Variants in CHRM3 observed in about 807,000 individuals in gnomAD.
CHRM3 encodes muscarinic acetylcholine receptor M3.
A neutral mutation model predicts 41.8 loss-of-function variants in CHRM3; 11 were observed. The ratio of observed to expected loss-of-function variants is 0.26; its 90% CI spans 0.17 to 0.44. The LOEUF is 0.44. Among genes scored for constraint, CHRM3 ranks in the 20% least tolerant of loss-of-function variants. The pLI is 1.00. For synonymous variants in CHRM3, 297 were observed against 301.4 expected, an observed-to-expected ratio of 0.99 and a Z score of 0.15; for missense variants, 571 against 745.4, an observed-to-expected ratio of 0.77 and a Z score of 2.72.
chr1:239,574,151 A>G (rs1662108569), intron 3 of CHRM3, among the ~76,000 whole-genome samples: 3 of 152,110 alleles, frequency 2.0e-5, no homozygotes, highest in Non-Finnish European at 4.4e-5. Flanking sequence ...TTCTTACCCC[A>G]TTTGAGTTTA....
At chr1:239,610,779 C>G (rs185013751) in intron 3 of CHRM3, among the ~76,000 whole-genome samples, 1 of 152,144 alleles carries the variant, frequency 6.6e-6, no homozygotes, top group Non-Finnish European at 1.5e-5. Context: ...CTAGGCCAGG[C>G]GCTGTGGCTC....
intron 1 of CHRM3, among the ~76,000 whole-genome samples, chr1:239,469,422 T>G (rs1265755271): frequency 6.6e-6 from 1 of 152,250 alleles, no homozygotes; most frequent in Non-Finnish European, 1.5e-5. Flanking sequence ...AGAAGGTTTT[T>G]TAACAAATGC....
At chr1:239,403,167 G>C (rs1483469313) in intron 1 of CHRM3, among the ~76,000 whole-genome samples, 1 of 152,122 alleles carries the variant, frequency 6.6e-6, no homozygotes, top group African/African-American at 2.4e-5. Context: ...CTCATCAGAA[G>C]CCACCAATTA....
chr1:239,623,331 C>T (rs980852887), intron 3 of CHRM3, among the ~76,000 whole-genome samples: 13 of 145,292 alleles, frequency 8.9e-5, no homozygotes, highest in African/African-American at 3.3e-4. Flanking sequence ...TCTCATTGTT[C>T]AGTTCCCACC....
At chr1:239,422,568 G>A (rs1662035686) in intron 1 of CHRM3, among the ~76,000 whole-genome samples, 1 of 152,146 alleles carries the variant, frequency 6.6e-6, no homozygotes, top group Non-Finnish European at 1.5e-5. Context: ...GGCTGAGGCA[G>A]GCGGATCATG....
intron 2 of CHRM3, among the ~76,000 whole-genome samples, chr1:239,512,483 A>G (rs1029271308): frequency 3.3e-5 from 5 of 152,102 alleles, no homozygotes; most frequent in African/African-American, 9.7e-5. Flanking sequence ...TTCTCCTTTG[A>G]TGACTCTACC....
intron 6 of CHRM3, among the ~76,000 whole-genome samples, chr1:239,888,590 C>A (rs1248211652): frequency 7.1e-6 from 1 of 140,818 alleles, no homozygotes; most frequent in Non-Finnish European, 1.6e-5. Flanking sequence ...AGAGTGAGAC[C>A]CTGTCTCAAA....
chr1:239,499,445 G>A (rs1668084902), intron 2 of CHRM3, among the ~76,000 whole-genome samples: 1 of 152,188 alleles, frequency 6.6e-6, no homozygotes, highest in African/African-American at 2.4e-5. Context: ...AGACTGTTGA[G>A]ATAAGCAAGA....
In CHRM3 at chr1:239,404,388, GAA is replaced by G. The variant is rs1324092164; in HGVS notation, c.-521+17163_-521+17164del. ...AGAAAGAAAGAAAGAAAGAAAGAAA[GAA>G]AGAAAGAAAGAAAGAAAGAAAAAGA... is the stretch of plus-strand genomic sequence containing the variant. On this transcript the variant is annotated intron_variant, in intron 1 of 6. Coordinates refer to ENST00000676153, the MANE Select transcript of CHRM3 (RefSeq NM_001375978.1). 2.9e-3 allele frequency among the ~76,000 whole-genome samples: 209 copies of G among 72,894 alleles called. 3 individuals carry two copies. Among genetic ancestry groups the G allele is most frequent in the Non-Finnish European group, 3.7e-3 (143 of 38,170 alleles). The allele number at this position is 72,894 out of a possible 152,430, so 47.8% of individuals were successfully genotyped here.
intron 5 of CHRM3, among the ~76,000 whole-genome samples, chr1:239,736,439 C>T (rs1038719340): frequency 1.3e-5 from 2 of 151,990 alleles, no homozygotes; most frequent in African/African-American, 4.8e-5. Context: ...AAACTTGATA[C>T]ATCATTATTT....
At position 239,466,151 on chromosome 1, in the gene CHRM3, G is replaced by A. The variant is rs111479800; in HGVS notation, c.-520-26558G>A. ...TGGGATTACAGGCGCCCGCCACCAC[G>A]CCTGGCTAATTTTTTGTATTTTTAG... On this transcript the variant is annotated intron_variant, in intron 1 of 6. Transcript: ENST00000676153. Among the ~76,000 whole-genome samples the A allele has an allele frequency of 3.3e-3, 494 of 151,898 alleles. 2 individuals carry two copies. Among genetic ancestry groups the A allele is most frequent in the African/African-American group, 0.011 (461 of 41,412 alleles).
chr1:239,760,126 C>T (rs1049635731), intron 5 of CHRM3, among the ~76,000 whole-genome samples: 6 of 150,822 alleles, frequency 4.0e-5, no homozygotes, highest in South Asian at 4.2e-4. Context: ...GGGGTTTCAC[C>T]GTGTTAGCCA....
chr1:239,834,573 C>A (rs1327201423), intron 6 of CHRM3, among the ~76,000 whole-genome samples: 1 of 152,156 alleles, frequency 6.6e-6, no homozygotes, highest in Admixed American at 6.5e-5. Context: ...CATACAGTCC[C>A]CACTAATCCA....
At chr1:239,760,117 G>T (rs553204176) in intron 5 of CHRM3, among the ~76,000 whole-genome samples, 4 of 151,304 alleles carry the variant, frequency 2.6e-5, no homozygotes, top group African/African-American at 9.7e-5. Context: ...AGTAGAAACG[G>T]GGTTTCACCG....
At chr1:239,544,305 C>T (rs1237206537) in intron 2 of CHRM3, among the ~76,000 whole-genome samples, 1 of 152,154 alleles carries the variant, frequency 6.6e-6, no homozygotes, top group Non-Finnish European at 1.5e-5. Context: ...CCCCTGTGAT[C>T]TAGGAAGGTG....
At chr1:239,751,628 G>A (rs755143331) in intron 5 of CHRM3, among the ~76,000 whole-genome samples, 90 of 152,182 alleles carry the variant, frequency 5.9e-4, no homozygotes, top group Non-Finnish European at 6.2e-4. Flanking sequence ...ATTTATGTAA[G>A]TAGCTAGTGA....
At chr1:239,836,385 TG>T (rs1438210031) in intron 6 of CHRM3, among the ~76,000 whole-genome samples, 2 of 151,800 alleles carry the variant, frequency 1.3e-5, no homozygotes, top group Admixed American at 6.5e-5. Context: ...TTTCTGTTTT[TG>T]TTTTTTTTTA....
chr1:239,644,111 C>A (rs1054044095), intron 4 of CHRM3, among the ~76,000 whole-genome samples: 5 of 152,140 alleles, frequency 3.3e-5, no homozygotes, highest in Non-Finnish European at 7.3e-5. Flanking sequence ...GATTTTGGAA[C>A]CCATCCTAAC....
chr1:239,513,257 A>T (rs1452625562), intron 2 of CHRM3, among the ~76,000 whole-genome samples: 1 of 152,220 alleles, frequency 6.6e-6, no homozygotes, highest in East Asian at 1.9e-4. Context: ...AAATTAGCAT[A>T]AATCTGCCTT....
Sources: gnomAD v4.1 joint callset for allele counts (sites outside exome capture counted in the v4.1 genomes callset) on GRCh38, gnomAD v4.1.1 for gene constraint, MANE v1.5 for transcripts, NCBI Gene and HGNC (gene_info 2026-07-23, HGNC 2026-07-21) for gene names.